The following OPCML variants were observed in gnomAD, a reference collection of about 807,000 sequenced individuals.
The protein encoded by OPCML is opioid-binding protein/cell adhesion molecule.
OPCML carries 13 observed loss-of-function variants against 37.8 expected under a neutral mutation model. The observed-to-expected ratio is 0.34, with a 90% CI of 0.22 to 0.55. OPCML has a LOEUF of 0.55. Among genes scored for constraint, OPCML ranks in the 20% least tolerant of loss-of-function variants. The probability of loss-of-function intolerance (pLI) is 0.91; values close to 1 mark genes in which losing one functional copy is unlikely to be tolerated. For missense variants in OPCML, 341 were observed against 435.6 expected, an observed-to-expected ratio of 0.78 and a Z score of 1.93; for synonymous variants, 176 against 168.8, an observed-to-expected ratio of 1.04 and a Z score of -0.33.
At chr11:132,998,183 A>C (rs1290141366) in intron 1 of OPCML, among the ~76,000 whole-genome samples, 1 of 152,038 alleles carries the variant, frequency 6.6e-6, no homozygotes, top group Non-Finnish European at 1.5e-5. Flanking sequence ...TCACGGTTCC[A>C]CTCATGAGGG....
At chr11:133,448,354 G>A (rs531667970) in intron 1 of OPCML, among the ~76,000 whole-genome samples, 35 of 152,246 alleles carry the variant, frequency 2.3e-4, no homozygotes, top group East Asian at 1.4e-3. Context: ...TAAATAACAC[G>A]TTGGGCATTT....
intron 1 of OPCML, among the ~76,000 whole-genome samples, chr11:133,193,821 T>C (rs985080779): frequency 2.6e-5 from 4 of 152,172 alleles, no homozygotes; most frequent in African/African-American, 9.7e-5. Context: ...TGAGGGGAGA[T>C]AATGCATTGA....
At chr11:132,965,739 G>T (rs1946200130) in intron 1 of OPCML, among the ~76,000 whole-genome samples, 1 of 152,096 alleles carries the variant, frequency 6.6e-6, no homozygotes, top group Admixed American at 6.5e-5. Context: ...CACTATGTTG[G>T]CCAGGATGGT....
intron 2 of OPCML, among the ~76,000 whole-genome samples, chr11:132,688,319 C>G (rs1461223803): frequency 6.6e-6 from 1 of 152,066 alleles, no homozygotes; most frequent in Non-Finnish European, 1.5e-5. Context: ...GCTCTTTGAA[C>G]CGGCAGTAAA....
At chr11:133,261,868 T>C (rs958035382) in intron 1 of OPCML, among the ~76,000 whole-genome samples, 21 of 152,250 alleles carry the variant, frequency 1.4e-4, no homozygotes, top group African/African-American at 4.6e-4. Context: ...GCAGGAGCAA[T>C]GGCTGTGCAG....
rs1950314428 is a variant in OPCML, at chr11:133,173,402, C to T, written c.62-230392G>A. Among the ~76,000 whole-genome samples, 1 of 152,168 alleles carries T rather than the reference C, an allele frequency of 6.6e-6. No individual in the cohort carries two copies. The highest frequency in any genetic ancestry group is 2.4e-5 in the African/African-American group (1 of 41,440). On this transcript the variant is annotated intron_variant, in intron 1 of 7. Coordinates refer to ENST00000524381, the MANE Select transcript of OPCML (RefSeq NM_001012393.5). This position sits in a 1 kb window ranked among gnomAD's most constrained non-coding sequence, Gnocchi z 7.8. ...TAGGAGTACAGATCCCAGTATGTTG[C>T]ACACTGTAAGAACTTAAAAGAATAA...
intron 1 of OPCML, chr11:133,006,897 G>A: frequency 1.0e-6 from 1 of 985,454 alleles, no homozygotes; most frequent in Non-Finnish European, 1.2e-6. Context: ...ACCTGTCATG[G>A]GGCCACCTAG....
At chr11:132,538,734 C>A (rs912596708) in intron 3 of OPCML, among the ~76,000 whole-genome samples, 1 of 152,150 alleles carries the variant, frequency 6.6e-6, no homozygotes, top group African/African-American at 2.4e-5. Context: ...GCTTAACTCC[C>A]CATTTCTCAT....
Position 132,672,114 on chromosome 11 carries a change from C to A in OPCML, c.147-14795G>T, listed in dbSNP as rs549631393. On this transcript the variant is annotated intron_variant, in intron 2 of 7. Coordinates refer to ENST00000524381, the MANE Select transcript of OPCML (RefSeq NM_001012393.5). ...CACATTGCCCTTGCCATCAGTCCAGCTGGGGTCTCTCATTCTCCTTTTCCT... is the reference window on the plus strand; with the variant it reads ...CACATTGCCCTTGCCATCAGTCCAGATGGGGTCTCTCATTCTCCTTTTCCT... Among the ~76,000 whole-genome samples the A allele has an allele frequency of 3.5e-3, 533 of 152,228 alleles. 4 individuals carry two copies. Among genetic ancestry groups the A allele is most frequent in the South Asian group, 0.021 (101 of 4,828 alleles).
At position 132,869,561 on chromosome 11, in the gene OPCML, T is replaced by C. The variant is rs559900754; in HGVS notation, c.146+73365A>G. Among the ~76,000 whole-genome samples, 9 of 152,308 alleles carry C rather than the reference T, an allele frequency of 5.9e-5. No individual in the cohort carries two copies. In the South Asian group the frequency reaches 1.9e-3, roughly 32 times the overall value. On this transcript the variant is annotated intron_variant, in intron 2 of 7. Coordinates refer to ENST00000524381, the MANE Select transcript of OPCML (RefSeq NM_001012393.5). ...GATGAAATAATGAACCTTTTTTCCT[T>C]AAACACAATTTGATAATTTGAACTT...
At chr11:133,027,755 T>G in intron 1 of OPCML, among the ~76,000 whole-genome samples, 1 of 140,404 alleles carries the variant, frequency 7.1e-6, no homozygotes, top group East Asian at 2.3e-4. Context: ...GTGATGTGTT[T>G]GACGTGTGGT....
chr11:133,403,717 A>G (rs943776160), intron 1 of OPCML, among the ~76,000 whole-genome samples: 7 of 152,244 alleles, frequency 4.6e-5, no homozygotes, highest in African/African-American at 1.4e-4. Context: ...GAAATTGGCA[A>G]GTTGAATTGG....
chr11:132,829,116 A>T (rs1940534503), intron 2 of OPCML, among the ~76,000 whole-genome samples: 1 of 152,148 alleles, frequency 6.6e-6, no homozygotes, highest in Non-Finnish European at 1.5e-5. Flanking sequence ...AGGGGATATT[A>T]TTTATTCTAG....
chr11:133,513,230 G>C (rs940282499), intron 1 of OPCML, among the ~76,000 whole-genome samples: 1 of 152,132 alleles, frequency 6.6e-6, no homozygotes, highest in Non-Finnish European at 1.5e-5. Flanking sequence ...ATTGAGAAAT[G>C]TGTGGGGTTA....
At chr11:132,965,181 G>A (rs918270262) in intron 1 of OPCML, among the ~76,000 whole-genome samples, 10 of 152,096 alleles carry the variant, frequency 6.6e-5, no homozygotes, top group East Asian at 3.9e-4. Context: ...ATTCGTCCTC[G>A]CCAGCCTCAT....
At chr11:132,951,813 G>C (rs1467134686) in intron 1 of OPCML, among the ~76,000 whole-genome samples, 3 of 152,142 alleles carry the variant, frequency 2.0e-5, no homozygotes, top group Non-Finnish European at 4.4e-5. Context: ...GTTTTTCTCT[G>C]AGTTTGAAGA....
intron 4 of OPCML, among the ~76,000 whole-genome samples, chr11:132,504,588 G>T (rs1591474612): frequency 6.6e-6 from 1 of 152,058 alleles, no homozygotes; most frequent in South Asian, 2.1e-4. Flanking sequence ...TTCCCAGGCG[G>T]CTTGCAGGCT....
chr11:133,524,060 C>A (rs988435295), intron 1 of OPCML, among the ~76,000 whole-genome samples: 4 of 152,332 alleles, frequency 2.6e-5, no homozygotes, highest in Admixed American at 6.5e-5. Flanking sequence ...GAGCAGGAAC[C>A]ATAACAATTT....
chr11:132,732,179 G>A (rs180749832), intron 2 of OPCML, among the ~76,000 whole-genome samples: 51 of 152,230 alleles, frequency 3.4e-4, no homozygotes, highest in Middle Eastern at 3.4e-3. Flanking sequence ...TTTAAAGTTC[G>A]AACAAGAATA....
Sources: allele counts gnomAD v4.1 joint callset (sites outside exome capture counted in the v4.1 genomes callset), GRCh38; gene constraint gnomAD v4.1.1; non-coding constraint Gnocchi (gnomAD v3.1); transcripts MANE v1.5; gene names NCBI Gene and HGNC (gene_info 2026-07-23, HGNC 2026-07-21).